The following PROS1 variants were observed in gnomAD, a reference collection of about 807,000 sequenced individuals.
The protein encoded by PROS1 is protein S, also known as vitamin K-dependent protein S.
A neutral mutation model predicts 75.9 loss-of-function variants in PROS1; 29 were observed. The observed-to-expected ratio is 0.38, with a 90% CI of 0.28 to 0.52. The LOEUF (loss-of-function observed/expected upper bound fraction) is 0.52, where lower values mean the gene tolerates loss of function less well. PROS1 is among the 20% of genes least tolerant of loss of function. The pLI, the probability that PROS1 is intolerant of heterozygous loss-of-function variation, is 0.83. For missense variants in PROS1, 680 were observed against 810.3 expected, an observed-to-expected ratio of 0.84 and a Z score of 1.95; for synonymous variants, 245 against 280.6, an observed-to-expected ratio of 0.87 and a Z score of 1.27.
chr3:93,929,486 A>C (rs571699799), intron 1 of PROS1, among the ~76,000 whole-genome samples: 114 of 152,308 alleles, frequency 7.5e-4, no homozygotes, highest in African/African-American at 2.7e-3. Flanking sequence ...GACTTAAAAA[A>C]AAAAGAGGGG....
chr3:93,889,291 G>T (rs762944790), intron 10 of PROS1, among the ~76,000 whole-genome samples: 1 of 151,850 alleles, frequency 6.6e-6, no homozygotes, highest in African/African-American at 2.4e-5. Context: ...CCATTAGAAC[G>T]CAAGCTCCAT....
chr3:93,881,522 A>G (rs1228206706), intron 12 of PROS1, among the ~76,000 whole-genome samples: 3 of 151,822 alleles, frequency 2.0e-5, no homozygotes, highest in Non-Finnish European at 4.4e-5. Flanking sequence ...CTAATTACAT[A>G]AAAATTTAAA....
At chr3:93,942,727 C>T (rs1051847026) in intron 1 of PROS1, among the ~76,000 whole-genome samples, 9 of 152,206 alleles carry the variant, frequency 5.9e-5, no homozygotes, top group African/African-American at 2.2e-4. Context: ...ATTTAGGTTA[C>T]AAGCCACTAG....
At chr3:93,966,096 G>A (rs1284348702) in intron 1 of PROS1, among the ~76,000 whole-genome samples, 1 of 152,178 alleles carries the variant, frequency 6.6e-6, no homozygotes. Flanking sequence ...TGAGCCAGAT[G>A]TATACCTCCT....
At position 93,879,132 on chromosome 3, in the gene PROS1, C is replaced by T. The variant is rs747184658; in HGVS notation, c.1644+31G>A. ...ACATTTTAAAAAATGAAAAGAAAAA[C>T]AAGGCTTATATAGGTTTAGAGTTAA... On this transcript the variant is annotated intron_variant, in intron 13 of 14. Transcript: ENST00000394236. The T allele has an allele frequency of 6.9e-6, 11 of 1,597,138 alleles. No individual in the cohort carries two copies. In the South Asian group the frequency reaches 1.2e-4, roughly 18 times the overall value.
chr3:93,947,288 C>T lies in PROS1; in HGVS notation c.77-19881G>A, dbSNP rs144543036. 5.3e-5 allele frequency among the ~76,000 whole-genome samples: 8 copies of T among 152,238 alleles called. No individual in the cohort carries two copies. The East Asian group carries it at 1.4e-3, about 26-fold the overall frequency. The stretch of plus-strand genomic sequence containing the variant: ...CAATTTCTCAAGGATCTGGAATCAA[C>T]AGATGCTGAGAATAAGCATCACATT... On this transcript the variant is annotated intron_variant, in intron 1 of 14. Coordinates refer to ENST00000394236, the MANE Select transcript of PROS1 (RefSeq NM_000313.4).
intron 10 of PROS1, among the ~76,000 whole-genome samples, chr3:93,890,022 T>C (rs1708408574): frequency 6.6e-6 from 1 of 152,136 alleles, no homozygotes; most frequent in African/African-American, 2.4e-5. Context: ...GCTAAATTCT[T>C]TTCCTAGCAA....
At chr3:93,890,423 C>T (rs1419456562) in intron 10 of PROS1, among the ~76,000 whole-genome samples, 5 of 152,114 alleles carry the variant, frequency 3.3e-5, no homozygotes, top group African/African-American at 1.2e-4. Context: ...CCTTTTTGCA[C>T]TTTGAAGCAT....
chr3:93,902,362 G>C (rs1576184964), intron 6 of PROS1, among the ~76,000 whole-genome samples: 1 of 152,148 alleles, frequency 6.6e-6, no homozygotes, highest in East Asian at 1.9e-4. Flanking sequence ...TATTTGGTTT[G>C]AGGCATATTG....
At chr3:93,895,405 A>G (rs1708489684) in intron 9 of PROS1, among the ~76,000 whole-genome samples, 1 of 152,158 alleles carries the variant, frequency 6.6e-6, no homozygotes, top group Non-Finnish European at 1.5e-5. Context: ...AAAGGAAAAA[A>G]CCACATATTG....
chr3:93,956,030 T>C (rs1187608008), intron 1 of PROS1, among the ~76,000 whole-genome samples: 1 of 152,122 alleles, frequency 6.6e-6, no homozygotes, highest in Non-Finnish European at 1.5e-5. Flanking sequence ...TTAATGTAAA[T>C]AGACTGAATT....
In PROS1 at chr3:93,886,391, G is replaced by A. The variant is rs1320022415; in HGVS notation, c.1268C>T (p.Thr423Ile). The A allele has an allele frequency of 1.2e-5, 19 of 1,613,542 alleles. No individual in the cohort carries two copies. The highest frequency in any genetic ancestry group is 5.0e-5 in the Admixed American group (3 of 59,988). Residue 423 changes from threonine (T) to isoleucine (I), a missense_variant, in exon 11 of 15, where the codon ACC becomes ATC. Coordinates refer to ENST00000394236, the MANE Select transcript of PROS1 (RefSeq NM_000313.4). ...AGGGAATCCTGCAAAGTATACTTTG[G>A]TTTCCAGCAATCCATTTTCCGGCTT... is the stretch of plus-strand genomic sequence containing the variant. ...LFKPENGLLE[T>I]KVYFAGFPRK...
chr3:93,905,655 A>C, intron 6 of PROS1, 129 bp downstream of exon 6: 1 of 995,476 alleles, frequency 1.0e-6, no homozygotes, highest in Non-Finnish European at 1.5e-6. Context: ...ACAAGGCTTC[A>C]ATGTCGATAA....
At chr3:93,924,338 T>C in intron 2 of PROS1, 74 bp from the exon 3 acceptor site, 1 of 896,204 alleles carries the variant, frequency 1.1e-6, no homozygotes, top group Non-Finnish European at 1.5e-6. Flanking sequence ...AATTTTATAA[T>C]GTGTTTTTAT....
intron 2 of PROS1, among the ~76,000 whole-genome samples, chr3:93,925,550 T>C (rs1709003731): frequency 6.7e-6 from 1 of 148,214 alleles, no homozygotes; most frequent in African/African-American, 2.5e-5. Context: ...TTGGTGGGGG[T>C]GGGGCAGAGG....
At chr3:93,882,902 G>C (rs1708293295) in intron 12 of PROS1, among the ~76,000 whole-genome samples, 1 of 152,180 alleles carries the variant, frequency 6.6e-6, no homozygotes, top group East Asian at 1.9e-4. Context: ...CAAGCCAGGA[G>C]AAAGGCAGCA....
chr3:93,903,815 C>T (rs1708632827), intron 6 of PROS1, among the ~76,000 whole-genome samples: 1 of 147,260 alleles, frequency 6.8e-6, no homozygotes, highest in South Asian at 2.2e-4. Context: ...TAATGACAGT[C>T]TTTTTTTTTT....
At chr3:93,963,554 G>T (rs1469377609) in intron 1 of PROS1, among the ~76,000 whole-genome samples, 2 of 152,122 alleles carry the variant, frequency 1.3e-5, no homozygotes, top group Non-Finnish European at 2.9e-5. Context: ...TAAAGAAAAG[G>T]AGTTTAATAG....
chr3:93,950,466 T>C (rs532537644), intron 1 of PROS1, among the ~76,000 whole-genome samples: 1 of 152,254 alleles, frequency 6.6e-6, no homozygotes, highest in Non-Finnish European at 1.5e-5. Flanking sequence ...TACAGCCAGG[T>C]GTCCCTCTGA....
Sources: allele counts gnomAD v4.1 joint callset (sites outside exome capture counted in the v4.1 genomes callset), GRCh38; gene constraint gnomAD v4.1.1; transcripts MANE v1.5; gene names NCBI Gene and HGNC (gene_info 2026-07-23, HGNC 2026-07-21).